The following MOB4 variants were observed in gnomAD, a reference collection of about 807,000 sequenced individuals.
MOB4 encodes MOB-like protein phocein.
In MOB4, 4 loss-of-function variants were observed where a neutral mutation model predicts 32.2. That is an observed-to-expected ratio of 0.12 (90% confidence interval 0.06 to 0.28). The LOEUF (loss-of-function observed/expected upper bound fraction) is 0.28, where lower values mean the gene tolerates loss of function less well. Ranked by LOEUF, MOB4 falls within the 10% of genes least tolerant of loss-of-function variation. The probability of loss-of-function intolerance (pLI) is 1.00; values close to 1 mark genes in which losing one functional copy is unlikely to be tolerated. For synonymous variants in MOB4, 88 were observed against 88.1 expected (o/e 1.00, Z 0.01); for missense variants, 158 against 271.2 (o/e 0.58, Z 2.93).
At chr2:197,549,788 T>C (rs1251840991) in intron 6 of MOB4, among the ~76,000 whole-genome samples, 2 of 148,344 alleles carry the variant, frequency 1.3e-5, no homozygotes, top group Admixed American at 1.4e-4. Flanking sequence ...TGACCTCAGA[T>C]GATCCACCTG....
Position 197,526,050 on chromosome 2 carries a change from T to G in MOB4, c.123+2364T>G, listed in dbSNP as rs1023327945. ...CTTTCTTTTTCTTGCCTAATTGCTC[T>G]GGCTAGACCTTCCAGTACTACTTTG... On this transcript the variant is annotated intron_variant, in intron 2 of 7. Coordinates refer to ENST00000323303, the MANE Select transcript of MOB4 (RefSeq NM_015387.5). 2.6e-5 allele frequency among the ~76,000 whole-genome samples: 4 copies of G among 152,236 alleles called. No homozygotes were observed. In the East Asian group the frequency reaches 7.7e-4, roughly 29 times the overall value.
rs538588298 is a variant in MOB4, at chr2:197,534,373, T to C, written c.124-1157T>C. On this transcript the variant is annotated intron_variant, in intron 2 of 7. Transcript: ENST00000323303. Reference sequence around the variant, plus strand: ...TTTTATGTTATTACATTTTAAAAATTGAAAGTGACCCTCCCTTGCCTTTTT... The same window carrying C: ...TTTTATGTTATTACATTTTAAAAATCGAAAGTGACCCTCCCTTGCCTTTTT... 3.9e-5 allele frequency among the ~76,000 whole-genome samples: 6 copies of C among 152,318 alleles called. No individual in the cohort carries two copies. In the South Asian group the frequency reaches 1.2e-3, roughly 32 times the overall value.
chr2:197,537,834 C>G (rs1053320009), intron 3 of MOB4, among the ~76,000 whole-genome samples: 1 of 152,126 alleles, frequency 6.6e-6, no homozygotes, highest in African/African-American at 2.4e-5. Context: ...GGCTGGAGTG[C>G]AGTGGTGTGA....
intron 2 of MOB4, among the ~76,000 whole-genome samples, chr2:197,531,755 G>C (rs2086709207): frequency 6.6e-6 from 1 of 151,858 alleles, no homozygotes; most frequent in Non-Finnish European, 1.5e-5. Flanking sequence ...CTATTGGCCA[G>C]GCTGGTCTCG....
intron 3 of MOB4, among the ~76,000 whole-genome samples, chr2:197,538,728 T>G (rs1482943831): frequency 1.3e-5 from 2 of 152,222 alleles, no homozygotes; most frequent in Non-Finnish European, 2.9e-5. Flanking sequence ...TGAATCAACT[T>G]AATTTTGCTT....
In MOB4 at chr2:197,552,022, T is replaced by TC. The variant is rs1335730572; in HGVS notation, c.*1377dup. 3 of 152,334 alleles carry TC rather than the reference T, an allele frequency of 2.0e-5. No homozygotes were observed. The highest frequency in any genetic ancestry group is 6.5e-5 in the Admixed American group (1 of 15,276). 9.4% of individuals were successfully genotyped at this position (152,334 alleles called of 1,614,324 possible). ...GATAATTTTGAAGATGAAAATGTAT[T>TC]CATCTTAATTGTTTTTTCAAATTTA... On this transcript the variant is annotated 3_prime_UTR_variant, in exon 8 of 8. Transcript: ENST00000323303.
At chr2:197,517,027 A>T (rs929090280) in intron 1 of MOB4, among the ~76,000 whole-genome samples, 1 of 152,230 alleles carries the variant, frequency 6.6e-6, no homozygotes, top group Non-Finnish European at 1.5e-5. Flanking sequence ...TTAAAAAGTG[A>T]TGCAAATGAA....
intron 3 of MOB4, among the ~76,000 whole-genome samples, chr2:197,537,106 C>G (rs904799392): frequency 6.6e-6 from 1 of 152,090 alleles, no homozygotes; most frequent in African/African-American, 2.4e-5. Context: ...GATAAGTTAC[C>G]TGTAAATTAT....
chr2:197,516,352 A>T, intron 1 of MOB4: 1 of 1,414,952 alleles, frequency 7.1e-7, no homozygotes, highest in Non-Finnish European at 9.2e-7. Context: ...GCTCCGACCC[A>T]GGGGTAGGCG....
chr2:197,518,396 A>C (rs970409960), intron 1 of MOB4, among the ~76,000 whole-genome samples: 5 of 151,880 alleles, frequency 3.3e-5, no homozygotes, highest in African/African-American at 9.7e-5. Context: ...CAGCCTCCCG[A>C]GTAGCTGGGA....
intron 5 of MOB4, among the ~76,000 whole-genome samples, chr2:197,545,277 G>A (rs1420000167): frequency 6.6e-6 from 1 of 152,046 alleles, no homozygotes; most frequent in Non-Finnish European, 1.5e-5. Context: ...ATATAAAATG[G>A]CATAGTATTT....
intron 1 of MOB4, among the ~76,000 whole-genome samples, chr2:197,521,895 A>C (rs893767820): frequency 1.3e-5 from 2 of 152,192 alleles, no homozygotes; most frequent in Admixed American, 6.5e-5. Context: ...TAACACAATT[A>C]TCACAGGGTC....
chr2:197,548,286 C>T (rs1277113944), intron 5 of MOB4, 50 bp from the exon 6 acceptor site: 2 of 1,517,002 alleles, frequency 1.3e-6, no homozygotes, highest in Non-Finnish European at 1.8e-6. Context: ...ATATATCTAA[C>T]TTAAGAGAGA....
chr2:197,544,785 T>A (rs2086965155), intron 5 of MOB4, among the ~76,000 whole-genome samples: 1 of 151,328 alleles, frequency 6.6e-6, no homozygotes, highest in South Asian at 2.1e-4. Flanking sequence ...TGGAAAAATT[T>A]GTGGTGTATA....
At chr2:197,535,661 C>G in intron 3 of MOB4, 31 bp downstream of exon 3, 1 of 1,579,806 alleles carries the variant, frequency 6.3e-7, no homozygotes, top group Non-Finnish European at 8.6e-7. Flanking sequence ...ACTAATAGTA[C>G]CTCTCACAAA....
At chr2:197,548,239 G>T in intron 5 of MOB4, 97 bp from the exon 6 acceptor site, 1 of 986,114 alleles carries the variant, frequency 1.0e-6, no homozygotes, top group Non-Finnish European at 1.4e-6. Flanking sequence ...CTTAGAACAT[G>T]CTCATGTCTT....
chr2:197,531,062 T>TTG (rs2086694506), intron 2 of MOB4, among the ~76,000 whole-genome samples: 1 of 151,572 alleles, frequency 6.6e-6, no homozygotes, highest in Non-Finnish European at 1.5e-5. Flanking sequence ...TATTTTTTTT[T>TTG]TTTGAGGCAG....
chr2:197,523,753 G>A (rs1297273291), intron 2 of MOB4, 67 bp downstream of exon 2: 1 of 1,485,034 alleles, frequency 6.7e-7, no homozygotes. Context: ...CCATTGGGTG[G>A]CCTTTGTCTG....
chr2:197,519,430 T>G (rs1418014773), intron 1 of MOB4, among the ~76,000 whole-genome samples: 1 of 152,214 alleles, frequency 6.6e-6, no homozygotes, highest in Non-Finnish European at 1.5e-5. Flanking sequence ...CTTAAGTTTC[T>G]TAAGTAAAAT....
Sources: allele counts gnomAD v4.1 joint callset (sites outside exome capture counted in the v4.1 genomes callset), GRCh38; gene constraint gnomAD v4.1.1; transcripts MANE v1.5; gene names NCBI Gene and HGNC (gene_info 2026-07-23, HGNC 2026-07-21).